Variants in MTARC1 observed in about 807,000 individuals in gnomAD.
MTARC1 encodes the protein mitochondrial amidoxime-reducing component 1.
MTARC1 carries 24 observed loss-of-function variants against 33.6 expected under a neutral mutation model. That is an observed-to-expected ratio of 0.72 (90% confidence interval 0.52 to 1.01). The LOEUF is 1.01. Among genes scored for constraint, MTARC1 ranks in the 50% least tolerant of loss-of-function variants. MTARC1 has a pLI of 0.00. For synonymous variants in MTARC1, 187 were observed against 189.5 expected (o/e 0.99, Z 0.11); for missense variants, 417 against 445.7 (o/e 0.94, Z 0.58).
At chr1:220,798,715 C>T (rs1263950079) in intron 4 of MTARC1, 1 of 753,882 alleles carries the variant, frequency 1.3e-6, no homozygotes, top group Non-Finnish European at 1.6e-6. Context: ...CAACAGAAAC[C>T]CTGACCCACA....
chr1:220,791,994 G>A (rs1162447728), intron 2 of MTARC1, among the ~76,000 whole-genome samples: 4 of 152,122 alleles, frequency 2.6e-5, no homozygotes, highest in African/African-American at 9.7e-5. Flanking sequence ...TGGTGGGGGC[G>A]AGTGTCCTAG....
chr1:220,792,010 G>A (rs549821835), intron 2 of MTARC1, among the ~76,000 whole-genome samples: 1 of 152,172 alleles, frequency 6.6e-6, no homozygotes, highest in African/African-American at 2.4e-5. Context: ...CCTAGCAGAG[G>A]TGAAACTCGA....
At chr1:220,789,397 C>T (rs1282488021) in intron 1 of MTARC1, among the ~76,000 whole-genome samples, 3 of 151,982 alleles carry the variant, frequency 2.0e-5, no homozygotes, top group African/African-American at 4.8e-5. Context: ...TGTCTTGGGC[C>T]ACACATAAAA....
rs138536467 is a variant in MTARC1, at chr1:220,791,535, G to A, written c.320G>A (p.Arg107His). The change falls in exon 2 of 7, where the codon CGC becomes CAC. Residue 107 changes from arginine to histidine, a missense_variant. Arg to His is a conservative substitution (Grantham distance 29). Transcript: ENST00000366910. The part of the protein sequence containing the change: ...INQEGNMVTA[R>H]QEPRLVLISL... Reference sequence around the variant, plus strand: ...CAGGAGGGAAACATGGTTACTGCTCGCCAGGAACCTCGCCTGGTCCTGATT... The same window carrying A: ...CAGGAGGGAAACATGGTTACTGCTCACCAGGAACCTCGCCTGGTCCTGATT... 3.8e-5 allele frequency: 61 copies of A among 1,614,106 alleles called. No individual in the cohort carries two copies. The African/African-American group carries it at 6.7e-4, about 18-fold the overall frequency.
At chr1:220,797,434 A>C (rs1672655504) in intron 3 of MTARC1, among the ~76,000 whole-genome samples, 1 of 152,238 alleles carries the variant, frequency 6.6e-6, no homozygotes. Flanking sequence ...AAAATATATA[A>C]ATAAAGAAAC....
intron 4 of MTARC1, among the ~76,000 whole-genome samples, chr1:220,800,450 G>A (rs192781900): frequency 5.6e-4 from 86 of 152,302 alleles, no homozygotes; most frequent in African/African-American, 2.0e-3. Context: ...TGGCCAGGAG[G>A]GTGGCGAGCA....
At chr1:220,792,010 G>T (rs549821835) in intron 2 of MTARC1, among the ~76,000 whole-genome samples, 2 of 152,290 alleles carry the variant, frequency 1.3e-5, no homozygotes, top group East Asian at 3.9e-4. Flanking sequence ...CCTAGCAGAG[G>T]TGAAACTCGA....
intron 2 of MTARC1, chr1:220,794,268 G>A (rs1330587757): frequency 8.8e-6 from 1 of 113,700 alleles, no homozygotes; most frequent in East Asian, 2.1e-4. Context: ...AAAGGAGGGT[G>A]ATTTTTTTTT....
intron 6 of MTARC1, chr1:220,808,952 T>C: frequency 6.4e-6 from 3 of 470,092 alleles, no homozygotes; most frequent in South Asian, 3.1e-5. Flanking sequence ...ATGGAAAGAA[T>C]ATAGCACAGT....
chr1:220,792,111 T>C (rs1401552807), intron 2 of MTARC1, among the ~76,000 whole-genome samples: 2 of 152,190 alleles, frequency 1.3e-5, no homozygotes, highest in African/African-American at 4.8e-5. Context: ...CAAATGGCTA[T>C]GTGACCCGTA....
At chr1:220,809,716 A>C (rs1020588019) in intron 6 of MTARC1, among the ~76,000 whole-genome samples, 14 of 152,114 alleles carry the variant, frequency 9.2e-5, no homozygotes, top group African/African-American at 3.4e-4. Context: ...CACCATGTTG[A>C]CCAGTCTGGT....
Position 220,814,570 on chromosome 1 carries a change from G to A in MTARC1, c.*1152G>A, listed in dbSNP as rs1673235374. 6.6e-6 allele frequency: 1 copy of A among 152,120 alleles called. No homozygotes were observed. Among genetic ancestry groups the A allele is most frequent in the South Asian group, 2.1e-4 (1 of 4,830 alleles). 9.4% of individuals were successfully genotyped at this position (152,120 alleles called of 1,614,324 possible). A position where few individuals can be genotyped will look rare whatever the true frequency, so the allele number is the denominator to read the frequency against. On this transcript the variant is annotated 3_prime_UTR_variant, in exon 7 of 7. Coordinates refer to ENST00000366910, the MANE Select transcript of MTARC1 (RefSeq NM_022746.4). ...TAATGGGATCCTGTCGCTACAAAAT[G>A]TTTTTAAAATGCACTCGGTGTGGTG...
Position 220,810,268 on chromosome 1 carries a change from T to G in MTARC1, c.888-3024T>G, listed in dbSNP as rs1406883584. On this transcript the variant is annotated intron_variant, in intron 6 of 6. Coordinates refer to ENST00000366910, the MANE Select transcript of MTARC1 (RefSeq NM_022746.4). The stretch of plus-strand genomic sequence containing the variant: ...TACTGTTTCAGAGTGTTGAACTTAG[T>G]GTGCGCACGAATTCATAGACTGCTT... Among the ~76,000 whole-genome samples the G allele has an allele frequency of 2.6e-5, 4 of 152,322 alleles. No individual in the cohort carries two copies. The East Asian group carries it at 5.8e-4, about 22-fold the overall frequency.
At chr1:220,809,382 C>A (rs1252773290) in intron 6 of MTARC1, among the ~76,000 whole-genome samples, 1 of 152,218 alleles carries the variant, frequency 6.6e-6, no homozygotes, top group African/African-American at 2.4e-5. Flanking sequence ...TCTTCCCATA[C>A]TCAGAGGCTG....
intron 2 of MTARC1, among the ~76,000 whole-genome samples, chr1:220,792,536 G>T (rs572625498): frequency 6.6e-6 from 1 of 151,902 alleles, no homozygotes; most frequent in African/African-American, 2.4e-5. Flanking sequence ...ATGCAATACT[G>T]ATGTAATTTC....
Position 220,791,680 on chromosome 1 carries a change from G to A in MTARC1, c.449+16G>A. The A allele has an allele frequency of 6.2e-7, 1 of 1,609,934 alleles. No individual in the cohort carries two copies. The highest frequency in any genetic ancestry group is 8.5e-7 in the Non-Finnish European group (1 of 1,176,742). ...ACAAGTGCAGGTAAGGAAAGGGCAG[G>A]TCGTAGCCCTTGTGTGAATGAATAG... On this transcript the variant is annotated intron_variant, in intron 2 of 6. Transcript: ENST00000366910.
At chr1:220,795,194 C>T (rs1234733504) in intron 2 of MTARC1, among the ~76,000 whole-genome samples, 2 of 152,190 alleles carry the variant, frequency 1.3e-5, no homozygotes, top group African/African-American at 4.8e-5. Flanking sequence ...TTACTACCTA[C>T]TGAGCATATC....
At chr1:220,791,803 T>C in intron 2 of MTARC1, 139 bp downstream of exon 2, 2 of 887,950 alleles carry the variant, frequency 2.3e-6, no homozygotes, top group Non-Finnish European at 3.3e-6. Context: ...CAGAATGAAG[T>C]CCTCAACATT....
At position 220,796,729 on chromosome 1, in the gene MTARC1, G is replaced by A. The variant is rs763833445; in HGVS notation, c.536G>A (p.Arg179His). The A allele has an allele frequency of 9.3e-6, 15 of 1,612,624 alleles. No homozygotes were observed. The highest frequency in any genetic ancestry group is 8.8e-5 in the South Asian group (8 of 90,722). The stretch of plus-strand genomic sequence containing the variant: ...AGCTTCCTGAAGTCACAGCCCTACC[G>A]CCTGGTGCACTTCGAGCCTCACATG... Reference protein sequence around the residue: ...ITSFLKSQPYRLVHFEPHMRP... With the variant: ...ITSFLKSQPYHLVHFEPHMRP... The change falls in exon 3 of 7, where the codon CGC (arginine) becomes CAC (histidine). Residue 179 changes from arginine (R) to histidine (H), a missense_variant. Coordinates refer to ENST00000366910, the MANE Select transcript of MTARC1 (RefSeq NM_022746.4).
Sources: gnomAD v4.1 joint callset for allele counts (sites outside exome capture counted in the v4.1 genomes callset) on GRCh38, gnomAD v4.1.1 for gene constraint, MANE v1.5 for transcripts, NCBI Gene and HGNC (gene_info 2026-07-23, HGNC 2026-07-21) for gene names.